The following TGFB2 variants were observed in gnomAD, a reference collection of about 807,000 sequenced individuals.
TGFB2 encodes the protein transforming growth factor beta-2 proprotein.
TGFB2 carries 13 observed loss-of-function variants against 42.7 expected under a neutral mutation model. The ratio of observed to expected loss-of-function variants is 0.30; its 90% CI spans 0.20 to 0.48. The LOEUF (loss-of-function observed/expected upper bound fraction) is 0.48, where lower values mean the gene tolerates loss of function less well. Among genes scored for constraint, TGFB2 ranks in the 20% least tolerant of loss-of-function variants. The probability of loss-of-function intolerance (pLI) is 0.99; values close to 1 mark genes in which losing one functional copy is unlikely to be tolerated. For synonymous variants in TGFB2, 193 were observed against 193.6 expected (o/e 1.00, Z 0.03); for missense variants, 390 against 517.5 (o/e 0.75, Z 2.39).
intron 1 of TGFB2, among the ~76,000 whole-genome samples, chr1:218,394,934 G>A (rs895236726): frequency 6.6e-6 from 1 of 152,034 alleles, no homozygotes; most frequent in Non-Finnish European, 1.5e-5. Flanking sequence ...CCACTCGGTG[G>A]GTTGCTTGTC....
chr1:218,346,520 G>A lies in TGFB2; in HGVS notation c.-182G>A. ...GAACTACTGGCCTTTTCTTTTTAAA[G>A]GAATTCAAGCAGGATACGTTTTTCT... On this transcript the variant is annotated 5_prime_UTR_variant, in exon 1 of 7. Transcript: ENST00000366930. The surrounding 1 kb of genome is among the most constrained non-coding windows in gnomAD (Gnocchi z 4.9). The A allele has an allele frequency of 1.8e-6, 1 of 550,240 alleles. No homozygotes were observed. The highest frequency in any genetic ancestry group is 3.1e-6 in the Non-Finnish European group (1 of 323,366). The allele number at this position is 550,240 out of a possible 1,614,324, so 34.1% of individuals were successfully genotyped here.
Position 218,436,033 on chromosome 1 carries a change from A to G in TGFB2, c.818A>G (p.Lys273Arg), listed in dbSNP as rs747979194. Residue 273 changes from lysine (K) to arginine (R), a missense_variant, in exon 5 of 7, where the codon AAA becomes AGA. Coordinates refer to ENST00000366930, the MANE Select transcript of TGFB2 (RefSeq NM_003238.6). ...DQKTIKSTRKKNSGKTPHLLL... is the reference protein window; with the variant it reads ...DQKTIKSTRKRNSGKTPHLLL... ...AAAACTATAAAGTCCACTAGGAAAAAAAACAGTGGGAAGACCCCACATCTC... is the reference window on the plus strand; with the variant it reads ...AAAACTATAAAGTCCACTAGGAAAAGAAACAGTGGGAAGACCCCACATCTC... The G allele has an allele frequency of 6.8e-6, 11 of 1,614,176 alleles. No individual in the cohort carries two copies. In the South Asian group the frequency reaches 1.2e-4, roughly 18 times the overall value.
Position 218,415,694 on chromosome 1 carries a change from C to CAAAAA in TGFB2, c.510+10366_510+10367insAAAAA, listed in dbSNP as rs779476856. ...TGGGCGACAGAGCGAGACTCTGTCT[C>CAAAAA]AAAAGAAAAAAAAAAAAAAAAAAAA... On this transcript the variant is annotated intron_variant, in intron 2 of 6. Coordinates refer to ENST00000366930, the MANE Select transcript of TGFB2 (RefSeq NM_003238.6). 2.5e-3 allele frequency among the ~76,000 whole-genome samples: 102 copies of CAAAAA among 40,148 alleles called. 33 individuals are homozygous for CAAAAA. The highest frequency in any genetic ancestry group is 9.4e-3 in the African/African-American group (84 of 8,914). 26.3% of individuals were successfully genotyped at this position (40,148 alleles called of 152,430 possible). A position where few individuals can be genotyped will look rare whatever the true frequency, so the allele number is the denominator to read the frequency against.
intron 1 of TGFB2, among the ~76,000 whole-genome samples, chr1:218,400,456 G>T (rs775519037): frequency 5.3e-5 from 8 of 151,920 alleles, no homozygotes; most frequent in Non-Finnish European, 1.2e-4. Flanking sequence ...AGCTGCTGGG[G>T]TCCCCCTGCC....
intron 2 of TGFB2, 84 bp from the exon 3 acceptor site, chr1:218,433,998 A>AT (rs1013598595): frequency 1.3e-6 from 2 of 1,556,316 alleles, no homozygotes; most frequent in Admixed American, 3.6e-5. Context: ...TAGGTAATGA[A>AT]TTAGAACACT....
intron 4 of TGFB2, among the ~76,000 whole-genome samples, chr1:218,435,063 G>A (rs189716968): frequency 7.9e-5 from 12 of 152,294 alleles, no homozygotes; most frequent in Non-Finnish European, 1.5e-4. Flanking sequence ...GATACCAAGG[G>A]CTCAAGTCAC....
At chr1:218,437,036 C>G (rs1659992303) in intron 5 of TGFB2, among the ~76,000 whole-genome samples, 2 of 152,186 alleles carry the variant, frequency 1.3e-5, no homozygotes, top group South Asian at 4.1e-4. Context: ...TGCCCAGCCA[C>G]TCTCTGCTTA....
At chr1:218,411,117 C>T (rs917255831) in intron 2 of TGFB2, among the ~76,000 whole-genome samples, 1 of 152,198 alleles carries the variant, frequency 6.6e-6, no homozygotes. Flanking sequence ...CTAGTTTCTT[C>T]TCACCAACTC....
chr1:218,436,818 T>C (rs969374189), intron 5 of TGFB2, among the ~76,000 whole-genome samples: 1 of 152,160 alleles, frequency 6.6e-6, no homozygotes, highest in Non-Finnish European at 1.5e-5. Flanking sequence ...GATCCAGTGG[T>C]TGCCCTCAGC....
intron 1 of TGFB2, among the ~76,000 whole-genome samples, chr1:218,358,250 T>C (rs1188009153): frequency 6.6e-6 from 1 of 152,218 alleles, no homozygotes; most frequent in African/African-American, 2.4e-5. Flanking sequence ...CTCTAAAATA[T>C]TTATTGTTGC....
intron 2 of TGFB2, among the ~76,000 whole-genome samples, chr1:218,409,044 G>A (rs578161968): frequency 2.8e-4 from 42 of 152,266 alleles, no homozygotes; most frequent in South Asian, 1.5e-3. Flanking sequence ...TCCCTAGCAC[G>A]TGCAGTTCAC....
intron 6 of TGFB2, among the ~76,000 whole-genome samples, chr1:218,440,092 G>A (rs553704528): frequency 6.6e-6 from 1 of 152,286 alleles, no homozygotes; most frequent in African/African-American, 2.4e-5. Flanking sequence ...ACAGAATGGG[G>A]TTGAAGGTGT....
intron 2 of TGFB2, among the ~76,000 whole-genome samples, chr1:218,420,472 C>A (rs945795538): frequency 3.9e-5 from 6 of 152,166 alleles, no homozygotes; most frequent in African/African-American, 1.4e-4. Context: ...ACTCCTTCAT[C>A]CCTTCAACCT....
At position 218,443,811 on chromosome 1, in the gene TGFB2, C is replaced by T. The variant is rs1473179298; in HGVS notation, c.*2449C>T. The T allele has an allele frequency of 4.6e-5, 7 of 150,790 alleles. No homozygotes were observed. Among genetic ancestry groups the T allele is most frequent in the African/African-American group, 1.7e-4 (7 of 40,918 alleles). 9.3% of individuals were successfully genotyped at this position (150,790 alleles called of 1,614,324 possible). A position where few individuals can be genotyped will look rare whatever the true frequency, so the allele number is the denominator to read the frequency against. On this transcript the variant is annotated 3_prime_UTR_variant, in exon 7 of 7. Transcript: ENST00000366930. ...GAGGTGGCAAGGAAGGGGTGAAGTGCTAGTATGCAAGTGGGCAGCAATTAT... is the reference window on the plus strand; with the variant it reads ...GAGGTGGCAAGGAAGGGGTGAAGTGTTAGTATGCAAGTGGGCAGCAATTAT...
intron 1 of TGFB2, among the ~76,000 whole-genome samples, chr1:218,358,822 G>A (rs1407558053): frequency 2.0e-5 from 3 of 152,174 alleles, no homozygotes; most frequent in Admixed American, 6.5e-5. Context: ...GATTACAGTC[G>A]TGAGCCACCG....
At chr1:218,400,419 C>T (rs1346358566) in intron 1 of TGFB2, among the ~76,000 whole-genome samples, 1 of 151,986 alleles carries the variant, frequency 6.6e-6, no homozygotes, top group African/African-American at 2.4e-5. Context: ...AGACCCTTGC[C>T]CTAAAACTTG....
At chr1:218,397,040 G>A (rs1658535422) in intron 1 of TGFB2, among the ~76,000 whole-genome samples, 2 of 152,026 alleles carry the variant, frequency 1.3e-5, no homozygotes, top group East Asian at 3.9e-4. Context: ...GGCGGAGGCA[G>A]TGGATCACCT....
intron 2 of TGFB2, among the ~76,000 whole-genome samples, chr1:218,415,868 T>A (rs1381878834): frequency 1.3e-5 from 2 of 152,058 alleles, no homozygotes; most frequent in Non-Finnish European, 2.9e-5. Context: ...CTAGGTTAAG[T>A]GTCTGGCACA....
chr1:218,382,596 T>C (rs1396098537), intron 1 of TGFB2, among the ~76,000 whole-genome samples: 1 of 152,254 alleles, frequency 6.6e-6, no homozygotes, highest in Non-Finnish European at 1.5e-5. Flanking sequence ...AAATTTGTTT[T>C]GTGGAAAGTG....
Sources: allele counts gnomAD v4.1 joint callset (sites outside exome capture counted in the v4.1 genomes callset), GRCh38; gene constraint gnomAD v4.1.1; non-coding constraint Gnocchi (gnomAD v3.1); transcripts MANE v1.5; gene names NCBI Gene and HGNC (gene_info 2026-07-23, HGNC 2026-07-21).